Variants in ATRNL1 observed in about 807,000 individuals in gnomAD.
ATRNL1 encodes attractin like 1.
Under a neutral mutation model 182.7 loss-of-function variants are expected in ATRNL1, and 95 were observed. The ratio of observed to expected loss-of-function variants is 0.52; its 90% CI spans 0.44 to 0.62. The LOEUF (loss-of-function observed/expected upper bound fraction) is 0.62. Among genes scored for constraint, ATRNL1 ranks in the 20% least tolerant of loss-of-function variants. The pLI, the probability that ATRNL1 is intolerant of heterozygous loss-of-function variation, is 0.00. For missense variants in ATRNL1, 1,471 were observed against 1,679.5 expected, an observed-to-expected ratio of 0.88 and a Z score of 2.17; for synonymous variants, 576 against 568.3, an observed-to-expected ratio of 1.01 and a Z score of -0.19.
chr10:115,136,756 T>C (rs953904048), intron 5 of ATRNL1, among the ~76,000 whole-genome samples: 2 of 152,244 alleles, frequency 1.3e-5, no homozygotes, highest in African/African-American at 4.8e-5. Context: ...CCTCCATGTC[T>C]TTTTATGGCT....
At chr10:115,189,919 C>T (rs1475680811) in intron 8 of ATRNL1, among the ~76,000 whole-genome samples, 4 of 142,008 alleles carry the variant, frequency 2.8e-5, no homozygotes, top group Non-Finnish European at 6.5e-5. Context: ...TACAGGTATA[C>T]CATTTTTTAT....
chr10:115,294,326 A>G (rs1853072058), intron 15 of ATRNL1, among the ~76,000 whole-genome samples: 1 of 152,210 alleles, frequency 6.6e-6, no homozygotes, highest in African/African-American at 2.4e-5. Flanking sequence ...TCTCTGTTAA[A>G]AAAGAAGAAA....
chr10:115,276,884 A>G (rs10736240), intron 13 of ATRNL1, among the ~76,000 whole-genome samples: 99,726 of 151,910 alleles, frequency 0.66, 33,159 homozygotes, highest in East Asian at 0.82. Context: ...TTTAGTATCA[A>G]TAAATGACTA....
At chr10:115,323,601 C>A (rs1227939012) in intron 18 of ATRNL1, among the ~76,000 whole-genome samples, 3 of 151,654 alleles carry the variant, frequency 2.0e-5, no homozygotes, top group African/African-American at 4.8e-5. Flanking sequence ...TGTGCCACCA[C>A]ACCTGACTAA....
chr10:115,645,014 A>T (rs113457399), intron 26 of ATRNL1, among the ~76,000 whole-genome samples: 74 of 152,228 alleles, frequency 4.9e-4, no homozygotes, highest in African/African-American at 1.8e-3. Context: ...ATTCATTCCC[A>T]GTTGAGTTTG....
At chr10:115,765,400 T>G (rs1350726360) in intron 27 of ATRNL1, among the ~76,000 whole-genome samples, 1 of 152,232 alleles carries the variant, frequency 6.6e-6, no homozygotes, top group East Asian at 1.9e-4. Context: ...TGTTTTACTT[T>G]GCATTTCTCT....
At chr10:115,593,042 G>A (rs1856008785) in intron 26 of ATRNL1, among the ~76,000 whole-genome samples, 1 of 152,168 alleles carries the variant, frequency 6.6e-6, no homozygotes, top group Non-Finnish European at 1.5e-5. Flanking sequence ...TTAGAGTTCT[G>A]GAGCCTGAAA....
At chr10:115,535,924 A>G (rs1201365500) in intron 25 of ATRNL1, among the ~76,000 whole-genome samples, 1 of 151,612 alleles carries the variant, frequency 6.6e-6, no homozygotes, top group Non-Finnish European at 1.5e-5. Flanking sequence ...AGAACAGCAG[A>G]TTTTCGTGAA....
At chr10:115,359,635 A>G (rs1856646150) in intron 19 of ATRNL1, among the ~76,000 whole-genome samples, 1 of 151,516 alleles carries the variant, frequency 6.6e-6, no homozygotes, top group African/African-American at 2.4e-5. Context: ...CAATAATGCA[A>G]TATTTTATAT....
chr10:115,135,657 G>C (rs187460733), intron 5 of ATRNL1, among the ~76,000 whole-genome samples: 41 of 152,198 alleles, frequency 2.7e-4, no homozygotes, highest in Non-Finnish European at 3.8e-4. Flanking sequence ...CTACCAATGA[G>C]TTTCTTCACA....
chr10:115,484,296 C>G (rs1260229761), intron 24 of ATRNL1, among the ~76,000 whole-genome samples: 1 of 151,368 alleles, frequency 6.6e-6, no homozygotes, highest in Non-Finnish European at 1.5e-5. Flanking sequence ...CCAATTCACT[C>G]TCTACTTACA....
chr10:115,437,085 A>G (rs1361764502), intron 21 of ATRNL1, among the ~76,000 whole-genome samples: 1 of 152,036 alleles, frequency 6.6e-6, no homozygotes, highest in Non-Finnish European at 1.5e-5. Context: ...AAATGACTTG[A>G]TAAGATGTGA....
intron 8 of ATRNL1, among the ~76,000 whole-genome samples, chr10:115,202,470 T>C (rs1344537345): frequency 3.1e-4 from 45 of 146,552 alleles, no homozygotes; most frequent in African/African-American, 8.2e-4. Context: ...AAAGGCCTTT[T>C]CTGCATCTAT....
At chr10:115,336,162 C>A (rs941196308) in intron 19 of ATRNL1, among the ~76,000 whole-genome samples, 16 of 151,946 alleles carry the variant, frequency 1.1e-4, no homozygotes, top group Admixed American at 8.5e-4. Context: ...TCTAAAATAC[C>A]CAAGATCATA....
chr10:115,159,937 T>C, intron 5 of ATRNL1, 103 bp from the exon 6 acceptor site: 2 of 778,734 alleles, frequency 2.6e-6, no homozygotes, highest in South Asian at 3.1e-5. Flanking sequence ...TTTGTTAATA[T>C]GATAAACATT....
chr10:115,804,281 T>C (rs1027708820), intron 27 of ATRNL1, among the ~76,000 whole-genome samples: 1 of 152,164 alleles, frequency 6.6e-6, no homozygotes, highest in South Asian at 2.1e-4. Context: ...ACACACAAAA[T>C]ACTTGAATTC....
chr10:115,662,735 A>G (rs916760084), intron 26 of ATRNL1, among the ~76,000 whole-genome samples: 6 of 152,146 alleles, frequency 3.9e-5, no homozygotes, highest in Non-Finnish European at 7.4e-5. Context: ...CACCTATCTG[A>G]TCATTCCAAA....
At chr10:115,804,742 G>A (rs1261604640) in intron 27 of ATRNL1, among the ~76,000 whole-genome samples, 10 of 152,274 alleles carry the variant, frequency 6.6e-5, no homozygotes, top group African/African-American at 1.4e-4. Flanking sequence ...GTAACATCAC[G>A]TAGTGGAGGT....
At chr10:115,801,731 C>T (rs575011004) in intron 27 of ATRNL1, among the ~76,000 whole-genome samples, 1 of 152,244 alleles carries the variant, frequency 6.6e-6, no homozygotes, top group South Asian at 2.1e-4. Context: ...CATGATTTTA[C>T]TATTCCAAGA....
Sources: allele counts gnomAD v4.1 joint callset (sites outside exome capture counted in the v4.1 genomes callset), GRCh38; gene constraint gnomAD v4.1.1; transcripts MANE v1.5; gene names NCBI Gene and HGNC (gene_info 2026-07-23, HGNC 2026-07-21).